The following CNTN5 variants were observed in gnomAD, a reference collection of about 807,000 sequenced individuals.
CNTN5 encodes the protein contactin-5.
A neutral mutation model predicts 129.1 loss-of-function variants in CNTN5; 77 were observed. The observed-to-expected ratio is 0.60, with a 90% CI of 0.50 to 0.72. The LOEUF is 0.72. CNTN5 is among the 30% of genes least tolerant of loss of function. The pLI, the probability that CNTN5 is intolerant of heterozygous loss-of-function variation, is 0.00. For missense variants in CNTN5, 1,478 were observed against 1,328.8 expected (o/e 1.11, Z -1.75); for synonymous variants, 509 against 465.6 (o/e 1.09, Z -1.20).
intron 15 of CNTN5, among the ~76,000 whole-genome samples, chr11:100,213,700 A>G (rs767011070): frequency 1.3e-5 from 2 of 152,068 alleles, no homozygotes; most frequent in Admixed American, 6.6e-5. Flanking sequence ...CTATTCTTCT[A>G]TTTGAATGTT....
intron 1 of CNTN5, among the ~76,000 whole-genome samples, chr11:99,140,569 C>T (rs1859463829): frequency 6.6e-6 from 1 of 151,846 alleles, no homozygotes; most frequent in African/African-American, 2.4e-5. Context: ...CTTGCTTGTT[C>T]CAGTTCTCAA....
intron 3 of CNTN5, among the ~76,000 whole-genome samples, chr11:99,811,726 C>T (rs996997670): frequency 1.3e-5 from 2 of 151,910 alleles, no homozygotes; most frequent in African/African-American, 4.8e-5. Flanking sequence ...TACTCCTACC[C>T]AACCTCCAGC....
intron 1 of CNTN5, among the ~76,000 whole-genome samples, chr11:99,183,441 CTT>C (rs1258860796): frequency 1.3e-5 from 2 of 152,240 alleles, no homozygotes; most frequent in East Asian, 3.9e-4. Context: ...TCAGATGACT[CTT>C]TTCAGTCTGT....
At chr11:99,245,799 G>A (rs1052989318) in intron 1 of CNTN5, among the ~76,000 whole-genome samples, 11 of 152,128 alleles carry the variant, frequency 7.2e-5, no homozygotes, top group African/African-American at 2.7e-4. Context: ...TGTTGTAGGG[G>A]ATGTACGGGA....
intron 2 of CNTN5, among the ~76,000 whole-genome samples, chr11:99,461,694 T>C (rs1478922337): frequency 6.6e-6 from 1 of 152,146 alleles, no homozygotes; most frequent in Non-Finnish European, 1.5e-5. Context: ...AGACGCAGCA[T>C]TGTTTGATTA....
chr11:99,401,343 T>A (rs534413270), intron 2 of CNTN5, among the ~76,000 whole-genome samples: 1 of 152,318 alleles, frequency 6.6e-6, no homozygotes, highest in Non-Finnish European at 1.5e-5. Context: ...CACTGTCTTT[T>A]CCCTAAGGTA....
chr11:99,484,928 A>G (rs566753118), intron 2 of CNTN5, among the ~76,000 whole-genome samples: 1 of 152,220 alleles, frequency 6.6e-6, no homozygotes, highest in South Asian at 2.1e-4. Context: ...GGGAGAGGGG[A>G]GCATTGGGAG....
intron 6 of CNTN5, among the ~76,000 whole-genome samples, chr11:99,895,139 T>C (rs930611925): frequency 1.3e-5 from 2 of 152,180 alleles, no homozygotes; most frequent in Non-Finnish European, 2.9e-5. Context: ...ATAATAGAAT[T>C]GTGATTTTTG....
chr11:99,560,622 G>A (rs533893229), intron 3 of CNTN5, among the ~76,000 whole-genome samples: 18 of 152,226 alleles, frequency 1.2e-4, no homozygotes, highest in South Asian at 4.1e-4. Flanking sequence ...CTTCACTTAG[G>A]GGAGTTAGGG....
At chr11:100,213,179 T>C (rs1949067626) in intron 15 of CNTN5, among the ~76,000 whole-genome samples, 1 of 152,132 alleles carries the variant, frequency 6.6e-6, no homozygotes, top group Non-Finnish European at 1.5e-5. Context: ...CCTCCAAATT[T>C]CACATACAAT....
chr11:99,374,093 T>C (rs1940004707), intron 2 of CNTN5, among the ~76,000 whole-genome samples: 1 of 152,208 alleles, frequency 6.6e-6, no homozygotes, highest in African/African-American at 2.4e-5. Flanking sequence ...AGAAATCAGA[T>C]CAGAAGGTCA....
intron 20 of CNTN5, among the ~76,000 whole-genome samples, chr11:100,302,953 A>G (rs1209812734): frequency 1.3e-5 from 2 of 151,618 alleles, no homozygotes; most frequent in Non-Finnish European, 3.0e-5. Flanking sequence ...ATATGACCTT[A>G]ACTCTCACAA....
At chr11:99,934,321 CA>C (rs1281290130) in intron 7 of CNTN5, among the ~76,000 whole-genome samples, 3 of 152,170 alleles carry the variant, frequency 2.0e-5, no homozygotes, top group African/African-American at 7.2e-5. Flanking sequence ...TATATCTTTA[CA>C]GTTTCTAGAC....
chr11:99,098,735 A>G (rs556001924), intron 1 of CNTN5, among the ~76,000 whole-genome samples: 17 of 152,140 alleles, frequency 1.1e-4, no homozygotes, highest in Admixed American at 7.2e-4. Context: ...ACTTTAGTCT[A>G]TACTCGTATT....
chr11:99,946,484 G>GCTGT (rs1950555774), intron 7 of CNTN5, among the ~76,000 whole-genome samples: 1 of 152,054 alleles, frequency 6.6e-6, no homozygotes, highest in African/African-American at 2.4e-5. Flanking sequence ...GTCAATCTCT[G>GCTGT]CTGTATCTTG....
rs776840411 is a variant in CNTN5 at position 99,555,724 on chromosome 11, C to T, written c.-70-421C>T. Among the ~76,000 whole-genome samples the T allele has an allele frequency of 7.1e-4, 108 of 151,866 alleles. 1 individual carries two copies. The highest frequency in any genetic ancestry group is 1.6e-3 in the Admixed American group (24 of 15,206). ...GCTACAGGCACAATGTGTAAAATCA[C>T]TTGGCCAACCGATCATTAGTTATGC... On this transcript the variant is annotated intron_variant, in intron 2 of 24. Coordinates refer to ENST00000524871, the MANE Select transcript of CNTN5 (RefSeq NM_014361.4).
intron 2 of CNTN5, among the ~76,000 whole-genome samples, chr11:99,372,947 G>T (rs1489361261): frequency 1.3e-5 from 2 of 152,230 alleles, no homozygotes; most frequent in East Asian, 1.9e-4. Flanking sequence ...AGTGGCTCAC[G>T]CCTATAATCC....
intron 18 of CNTN5, among the ~76,000 whole-genome samples, chr11:100,286,026 C>A (rs934001116): frequency 3.9e-5 from 6 of 152,226 alleles, no homozygotes; most frequent in Non-Finnish European, 8.8e-5. Context: ...TCACTCCCAC[C>A]CTAATACTGC....
At chr11:99,958,372 T>C (rs1950857333) in intron 8 of CNTN5, among the ~76,000 whole-genome samples, 1 of 152,126 alleles carries the variant, frequency 6.6e-6, no homozygotes. Flanking sequence ...TTTAGCAGAG[T>C]TCATTGAATG....
Sources: gnomAD v4.1 joint callset for allele counts (sites outside exome capture counted in the v4.1 genomes callset) on GRCh38, gnomAD v4.1.1 for gene constraint, MANE v1.5 for transcripts, NCBI Gene and HGNC (gene_info 2026-07-23, HGNC 2026-07-21) for gene names.